The following KIF21B variants were observed in gnomAD, a reference collection of about 807,000 sequenced individuals.
KIF21B encodes kinesin-like protein KIF21B.
In KIF21B, 85 loss-of-function variants were observed where a neutral mutation model predicts 192.9. The ratio of observed to expected loss-of-function variants is 0.44; its 90% CI spans 0.37 to 0.53. The LOEUF (loss-of-function observed/expected upper bound fraction) is 0.53, where lower values mean the gene tolerates loss of function less well. Ranked by LOEUF, KIF21B falls within the 20% of genes least tolerant of loss-of-function variation. The pLI is 0.00. For synonymous variants in KIF21B, 832 were observed against 884.6 expected, an observed-to-expected ratio of 0.94 and a Z score of 1.05; for missense variants, 1,716 against 2,194.8, an observed-to-expected ratio of 0.78 and a Z score of 4.36.
chr1:200,979,620 G>A lies in KIF21B; in HGVS notation c.4075C>T (p.His1359Tyr), dbSNP rs1050958860. The change falls in exon 30 of 35, where the codon CAC (histidine) becomes TAC (tyrosine). Residue 1359 changes from histidine (H) to tyrosine (Y), a missense_variant. Transcript: ENST00000461742. ...NNVVSIKYCS[H>Y]SGLVFSVSTS... ...GACACGGAGAACACAAGCCCCGAGT[G>A]GCTGCAGTACTTGATGGAGACCACG... 6.3e-7 allele frequency: 1 copy of A among 1,591,406 alleles called. No homozygotes were observed. The highest frequency in any genetic ancestry group is 8.6e-7 in the Non-Finnish European group (1 of 1,169,258).
At chr1:200,983,365 G>C (rs527338254) in intron 27 of KIF21B, among the ~76,000 whole-genome samples, 1 of 152,202 alleles carries the variant, frequency 6.6e-6, no homozygotes, top group South Asian at 2.1e-4. Flanking sequence ...AGATGTGGGA[G>C]CACCAGCCCC....
intron 29 of KIF21B, 60 bp from the exon 30 acceptor site, chr1:200,979,775 G>A: frequency 7.1e-7 from 1 of 1,406,476 alleles, no homozygotes; most frequent in South Asian, 1.5e-5. Flanking sequence ...AGGGGGCGCA[G>A]CTCCACCTCT....
chr1:200,975,015 C>T lies in KIF21B; in HGVS notation c.4615-102G>A, dbSNP rs1438163826. ...GTAGTGGAGCTACTTCCAGGCTCCCCTGGCCTCTAGAGCTGCCACACGGGC... is the reference window on the plus strand; with the variant it reads ...GTAGTGGAGCTACTTCCAGGCTCCCTTGGCCTCTAGAGCTGCCACACGGGC... On this transcript the variant is annotated intron_variant, in intron 33 of 34. Transcript: ENST00000461742. The surrounding 1 kb of genome is among the most constrained non-coding windows in gnomAD (Gnocchi z 4.3). 4.8e-6 allele frequency: 6 copies of T among 1,240,280 alleles called. No individual in the cohort carries two copies. In the African/African-American group the frequency reaches 8.8e-5, roughly 18 times the overall value. The allele number at this position is 1,240,280 out of a possible 1,614,324, so 76.8% of individuals were successfully genotyped here.
chr1:201,021,216 C>A (rs1415946814), intron 1 of KIF21B, among the ~76,000 whole-genome samples: 1 of 152,144 alleles, frequency 6.6e-6, no homozygotes, highest in Non-Finnish European at 1.5e-5. Context: ...CCAGCCCAGC[C>A]CCAGCTCAGT....
intron 15 of KIF21B, among the ~76,000 whole-genome samples, chr1:200,994,611 T>C (rs1465680423): frequency 1.3e-5 from 2 of 152,224 alleles, no homozygotes; most frequent in African/African-American, 2.4e-5. Flanking sequence ...CGTTACATTA[T>C]TTGCCAGGCT....
In KIF21B at chr1:201,000,736, G is replaced by C; in HGVS notation, c.1447C>G (p.Arg483Gly). Residue 483 changes from arginine (R) to glycine (G), a missense_variant, in exon 10 of 35, where the codon CGG becomes GGG. Coordinates refer to ENST00000461742, the MANE Select transcript of KIF21B (RefSeq NM_001252102.2). This position sits in a 1 kb window ranked among gnomAD's most constrained non-coding sequence, Gnocchi z 6.0. ...AIGALIQNYI[R>G]EIEELRTKLL... The stretch of plus-strand genomic sequence containing the variant: ...ACTCACCGTAGCTCCTCGATCTCCC[G>C]GATGTAGTTCTGGATCAGCGCACCA... 1 of 1,614,226 alleles carries C rather than the reference G, an allele frequency of 6.2e-7. No individual in the cohort carries two copies. The highest frequency in any genetic ancestry group is 8.5e-7 in the Non-Finnish European group (1 of 1,180,020).
intron 1 of KIF21B, among the ~76,000 whole-genome samples, chr1:201,011,652 G>C (rs919216754): frequency 1.3e-5 from 2 of 152,172 alleles, no homozygotes; most frequent in African/African-American, 4.8e-5. Flanking sequence ...TCTGCCCCTG[G>C]GCTCTTGGGA....
In KIF21B at chr1:200,988,870, G is replaced by C. The variant is rs777667718; in HGVS notation, c.3194C>G (p.Thr1065Arg). The change falls in exon 22 of 35, where the codon ACG (threonine) becomes AGG (arginine). Residue 1065 changes from threonine to arginine, a missense_variant. Physicochemically the swap from Thr to Arg is moderately conservative, Grantham distance 71. Coordinates refer to ENST00000461742, the MANE Select transcript of KIF21B (RefSeq NM_001252102.2). ...GTTCTGGGAGGAGCCTGCCATATCC[G>C]TCTGCCTCAGTCGGCCCTCCAACAG... is the stretch of plus-strand genomic sequence containing the variant. ...IRLLEGRLRQ[T>R]DMAGSSQNHL... 6.2e-7 allele frequency: 1 copy of C among 1,612,828 alleles called. No individual in the cohort carries two copies. Among genetic ancestry groups the C allele is most frequent in the Admixed American group, 1.7e-5 (1 of 59,896 alleles).
chr1:201,013,929 C>T (rs1416353025), intron 1 of KIF21B, among the ~76,000 whole-genome samples: 1 of 152,224 alleles, frequency 6.6e-6, no homozygotes, highest in African/African-American at 2.4e-5. Flanking sequence ...ACTCCAGGCC[C>T]CACCCCTCCA....
intron 30 of KIF21B, among the ~76,000 whole-genome samples, chr1:200,977,679 C>T (rs1655647673): frequency 6.6e-6 from 1 of 151,666 alleles, no homozygotes; most frequent in Non-Finnish European, 1.5e-5. Context: ...ATCAACCTCT[C>T]TGAGTCTCGG....
intron 3 of KIF21B, among the ~76,000 whole-genome samples, chr1:201,007,379 G>C (rs1413297711): frequency 1.3e-4 from 11 of 81,648 alleles, no homozygotes; most frequent in African/African-American, 2.6e-4. Flanking sequence ...CACAGAGACA[G>C]AGACACACAG....
intron 15 of KIF21B, among the ~76,000 whole-genome samples, chr1:200,994,286 C>T (rs1204923747): frequency 6.6e-6 from 1 of 152,230 alleles, no homozygotes; most frequent in Non-Finnish European, 1.5e-5. Context: ...TGGGAGACCC[C>T]GTGGCTGCAG....
rs1195643726 is a variant in KIF21B, at chr1:201,017,424, TGCTCAGCTGTGCTGCA to T, written c.41+5903_41+5918del. 1.9e-4 allele frequency among the ~76,000 whole-genome samples: 29 copies of T among 152,238 alleles called. No homozygotes were observed. In the East Asian group the frequency reaches 3.9e-3, roughly 20 times the overall value. On this transcript the variant is annotated intron_variant, in intron 1 of 34. Transcript: ENST00000461742. The surrounding 1 kb of genome is among the most constrained non-coding windows in gnomAD (Gnocchi z 4.1). ...GGGTAAACCCAGCCCAGGGAAGTACTGCTCAGCTGTGCTGCAGCGCCACTCTCCCTGTCCCACCCCC... is the reference window on the plus strand; with the variant it reads ...GGGTAAACCCAGCCCAGGGAAGTACTGCGCCACTCTCCCTGTCCCACCCCC...
At chr1:200,988,102 G>A (rs1185677661) in intron 24 of KIF21B, among the ~76,000 whole-genome samples, 194 bp downstream of exon 24, 1 of 152,222 alleles carries the variant, frequency 6.6e-6, no homozygotes, top group East Asian at 1.9e-4. Context: ...ACCCACCTCA[G>A]AAGGAATGGG....
Position 200,998,629 on chromosome 1 carries a change from G to C in KIF21B, c.1886-54C>G, listed in dbSNP as rs1171351459. On this transcript the variant is annotated intron_variant, in intron 13 of 34. Coordinates refer to ENST00000461742, the MANE Select transcript of KIF21B (RefSeq NM_001252102.2). The surrounding 1 kb of genome is among the most constrained non-coding windows in gnomAD (Gnocchi z 4.3). ...GCGTTAGGGCGAGGGGCAAATTGGGGAGCAGATGTGCCAGTGCTGGGGAGC... is the reference window on the plus strand; with the variant it reads ...GCGTTAGGGCGAGGGGCAAATTGGGCAGCAGATGTGCCAGTGCTGGGGAGC... 1.3e-6 allele frequency: 2 copies of C among 1,543,672 alleles called. No individual in the cohort carries two copies. Among genetic ancestry groups the C allele is most frequent in the Admixed American group, 3.4e-5 (2 of 58,976 alleles).
Position 200,996,295 on chromosome 1 carries a change from G to A in KIF21B, c.2178C>T (p.Ala726=), listed in dbSNP as rs147583380. 579 of 1,614,050 alleles carry A rather than the reference G, an allele frequency of 3.6e-4. 2 individuals carry two copies. Among genetic ancestry groups the A allele is most frequent in the Middle Eastern group, 5.0e-4 (3 of 6,056 alleles). Residue 726 remains alanine, a synonymous_variant, in exon 15 of 35, where the codon GCC becomes GCT. Coordinates refer to ENST00000461742, the MANE Select transcript of KIF21B (RefSeq NM_001252102.2). ...EMNRDLQKLQ[A]AQKEHARLLK... The stretch of plus-strand genomic sequence containing the variant: ...GCAGCCGGGCGTGCTCTTTCTGGGC[G>A]GCCTGCAGCTTCTGCAGGTCCCGGT...
intron 26 of KIF21B, among the ~76,000 whole-genome samples, chr1:200,985,691 C>A (rs1463669801): frequency 6.6e-6 from 1 of 152,126 alleles, no homozygotes; most frequent in Non-Finnish European, 1.5e-5. Context: ...GACTTCCCTG[C>A]CATTCTGCAT....
Position 200,987,010 on chromosome 1 carries a change from G to C in KIF21B, c.3600C>G (p.Thr1200=), listed in dbSNP as rs760493552. 6.2e-7 allele frequency: 1 copy of C among 1,614,086 alleles called. No homozygotes were observed. Among genetic ancestry groups the C allele is most frequent in the Non-Finnish European group, 8.5e-7 (1 of 1,180,008 alleles). Residue 1200 remains threonine, a synonymous_variant, in exon 25 of 35, where the codon ACC becomes ACG. Transcript: ENST00000461742. ...DRVSRTVSLP[T]RGSTFPRQSR... ...CCCATCCTTACAAAGTGCTGCCCCG[G>C]GTAGGCAGACTGACGGTGCGCGAGA...
Position 200,991,018 on chromosome 1 carries a change from CCCTGAT to C in KIF21B, c.2580_2585del (p.Ser861_Gly862del). On this transcript the variant is annotated inframe_deletion, in exon 18 of 35. Coordinates refer to ENST00000461742, the MANE Select transcript of KIF21B (RefSeq NM_001252102.2). ...GCACGATGCTGGAGACAGAGCGGGC[CCCTGAT>C]TCAGCCTCAGATGAGGTAGTGCTGG... is the stretch of plus-strand genomic sequence containing the variant. 1 of 1,614,122 alleles carries C rather than the reference CCCTGAT, an allele frequency of 6.2e-7. No individual in the cohort carries two copies. The highest frequency in any genetic ancestry group is 8.5e-7 in the Non-Finnish European group (1 of 1,180,036).
Sources: allele counts gnomAD v4.1 joint callset (sites outside exome capture counted in the v4.1 genomes callset), GRCh38; gene constraint gnomAD v4.1.1; non-coding constraint Gnocchi (gnomAD v3.1); transcripts MANE v1.5; gene names NCBI Gene and HGNC (gene_info 2026-07-23, HGNC 2026-07-21).